Variants in UGGT2 observed in about 807,000 individuals in gnomAD.
UGGT2 encodes the protein UDP-glucose:glycoprotein glucosyltransferase 2.
In UGGT2, 180 loss-of-function variants were observed where a neutral mutation model predicts 192.1. The ratio of observed to expected loss-of-function variants is 0.94; its 90% CI spans 0.83 to 1.06. The LOEUF (loss-of-function observed/expected upper bound fraction) is 1.06, where lower values mean the gene tolerates loss of function less well. Among genes scored for constraint, UGGT2 ranks in the 50% least tolerant of loss-of-function variants. The probability of loss-of-function intolerance (pLI) is 0.00; values close to 1 mark genes in which losing one functional copy is unlikely to be tolerated. For missense variants in UGGT2, 1,849 were observed against 1,795.7 expected (o/e 1.03, Z -0.54); for synonymous variants, 580 against 591.0 (o/e 0.98, Z 0.27).
intron 6 of UGGT2, 65 bp downstream of exon 6, chr13:95,999,146 A>G (rs2051717521): frequency 7.3e-7 from 1 of 1,377,716 alleles, no homozygotes; most frequent in South Asian, 1.2e-5. Flanking sequence ...AAATTTTTAA[A>G]AAACTAAAGT....
intron 10 of UGGT2, among the ~76,000 whole-genome samples, chr13:95,978,300 A>G (rs1431903826): frequency 6.6e-6 from 1 of 152,160 alleles, no homozygotes; most frequent in Non-Finnish European, 1.5e-5. Flanking sequence ...AGTGATGGTG[A>G]GCATCACTGT....
At chr13:95,984,171 T>C (rs1398150914) in intron 9 of UGGT2, among the ~76,000 whole-genome samples, 4 of 152,156 alleles carry the variant, frequency 2.6e-5, no homozygotes, top group East Asian at 1.9e-4. Flanking sequence ...TTTTGCCCAA[T>C]AGAGAAATTT....
chr13:95,901,403 T>C (rs980501325), intron 21 of UGGT2, among the ~76,000 whole-genome samples: 1 of 152,122 alleles, frequency 6.6e-6, no homozygotes, highest in Non-Finnish European at 1.5e-5. Flanking sequence ...ATAATAAAAG[T>C]AATGCTTGGT....
intron 38 of UGGT2, among the ~76,000 whole-genome samples, chr13:95,804,173 A>ATT (rs1193838879): frequency 1.3e-5 from 2 of 152,182 alleles, no homozygotes; most frequent in Admixed American, 1.3e-4. Context: ...ATAAGTACAA[A>ATT]AGATCTATAG....
intron 16 of UGGT2, 94 bp from the exon 17 acceptor site, chr13:95,937,182 C>A: frequency 7.4e-7 from 1 of 1,359,270 alleles, no homozygotes; most frequent in Non-Finnish European, 1.0e-6. Context: ...TTTTATATGC[C>A]ATAGGAAAAA....
At chr13:95,978,781 ATGT>A (rs1335906335) in intron 10 of UGGT2, among the ~76,000 whole-genome samples, 20 of 152,336 alleles carry the variant, frequency 1.3e-4, no homozygotes, top group Admixed American at 3.9e-4. Flanking sequence ...CTTAATAGAA[ATGT>A]TGTCATTTTC....
At chr13:95,948,343 T>A (rs2049949840) in intron 13 of UGGT2, among the ~76,000 whole-genome samples, 1 of 152,120 alleles carries the variant, frequency 6.6e-6, no homozygotes, top group African/African-American at 2.4e-5. Context: ...GCTACTCATC[T>A]TCTTTTTGGA....
chr13:95,983,650 T>C (rs2051198651), intron 10 of UGGT2, 154 bp downstream of exon 10: 4 of 670,964 alleles, frequency 6.0e-6, no homozygotes, highest in Non-Finnish European at 1.1e-5. Context: ...AATGCTCATA[T>C]AGTCCACAGT....
chr13:95,967,760 C>T (rs961252089), intron 12 of UGGT2, among the ~76,000 whole-genome samples: 1 of 152,204 alleles, frequency 6.6e-6, no homozygotes, highest in Non-Finnish European at 1.5e-5. Context: ...GCATGAGACA[C>T]TGTGCCTGGC....
intron 38 of UGGT2, among the ~76,000 whole-genome samples, chr13:95,804,701 CTCTT>C (rs1884221271): frequency 6.6e-6 from 1 of 152,084 alleles, no homozygotes; most frequent in Admixed American, 6.6e-5. Flanking sequence ...AAATAACAGT[CTCTT>C]TCATAAATGG....
chr13:95,861,776 C>T (rs1890192674), intron 31 of UGGT2, among the ~76,000 whole-genome samples: 1 of 151,458 alleles, frequency 6.6e-6, no homozygotes, highest in Non-Finnish European at 1.5e-5. Context: ...CTTGTAATCT[C>T]CCAAATAAGA....
At chr13:95,999,027 T>C (rs1051601087) in intron 6 of UGGT2, among the ~76,000 whole-genome samples, 184 bp downstream of exon 6, 4 of 152,166 alleles carry the variant, frequency 2.6e-5, no homozygotes, top group African/African-American at 9.7e-5. Context: ...TGATAACCAA[T>C]AATATTAAAT....
At chr13:95,990,110 C>A in intron 7 of UGGT2, 37 bp from the exon 8 acceptor site, 1 of 1,396,598 alleles carries the variant, frequency 7.2e-7, no homozygotes, top group Non-Finnish European at 9.9e-7. Flanking sequence ...AGTAGCATCA[C>A]CTATCACAAA....
At chr13:96,034,333 C>A (rs377136072) in intron 1 of UGGT2, among the ~76,000 whole-genome samples, 1 of 152,194 alleles carries the variant, frequency 6.6e-6, no homozygotes, top group African/African-American at 2.4e-5. Flanking sequence ...CTCATCAAGA[C>A]GATCTGCCAG....
chr13:95,848,409 C>T (rs1473729656), intron 36 of UGGT2, among the ~76,000 whole-genome samples: 5 of 152,112 alleles, frequency 3.3e-5, no homozygotes, highest in Admixed American at 3.3e-4. Context: ...ATATTGTCTT[C>T]CAGGAGTTTT....
intron 20 of UGGT2, among the ~76,000 whole-genome samples, chr13:95,903,670 G>A (rs1301706593): frequency 6.6e-6 from 1 of 152,072 alleles, no homozygotes; most frequent in Non-Finnish European, 1.5e-5. Flanking sequence ...TTTTAGTACT[G>A]TACAGAATTC....
chr13:95,846,289 G>A (rs981618884), intron 36 of UGGT2, among the ~76,000 whole-genome samples: 1 of 152,164 alleles, frequency 6.6e-6, no homozygotes, highest in African/African-American at 2.4e-5. Flanking sequence ...GTCAGGCGTG[G>A]CAGCGCGCGC....
At chr13:96,031,821 A>T in intron 2 of UGGT2, 68 bp downstream of exon 2, 5 of 1,232,478 alleles carry the variant, frequency 4.1e-6, no homozygotes, top group Non-Finnish European at 5.7e-6. Context: ...ACCATTAAAA[A>T]ATAATAAACA....
chr13:95,993,259 A>AGGGCTGAAAAACTACCT (rs2051511759), intron 7 of UGGT2, among the ~76,000 whole-genome samples: 1 of 152,160 alleles, frequency 6.6e-6, no homozygotes, highest in African/African-American at 2.4e-5. Context: ...GAAGATGGCA[A>AGGGCTGAAAAACTACCT]GGGCTGAAAA....
Sources: gnomAD v4.1 joint callset for allele counts (sites outside exome capture counted in the v4.1 genomes callset) on GRCh38, gnomAD v4.1.1 for gene constraint, MANE v1.5 for transcripts, NCBI Gene and HGNC (gene_info 2026-07-23, HGNC 2026-07-21) for gene names.